SHQ1: variants seen among roughly 807,000 people sequenced by gnomAD.
SHQ1 encodes protein SHQ1 homolog.
In SHQ1, 49 loss-of-function variants were observed where a neutral mutation model predicts 53.8. That is an observed-to-expected ratio of 0.91 (90% confidence interval 0.72 to 1.16). The LOEUF (loss-of-function observed/expected upper bound fraction) is 1.16, where lower values mean the gene tolerates loss of function less well. Ranked by LOEUF, SHQ1 falls within the 50% of genes most tolerant of loss-of-function variation. The pLI is 0.00. For synonymous variants in SHQ1, 243 were observed against 251.0 expected (o/e 0.97, Z 0.30); for missense variants, 738 against 683.1 (o/e 1.08, Z -0.90).
At chr3:72,813,196 G>C (rs1707178541) in intron 8 of SHQ1, among the ~76,000 whole-genome samples, 1 of 152,196 alleles carries the variant, frequency 6.6e-6, no homozygotes, top group Non-Finnish European at 1.5e-5. Context: ...AACTCACCGG[G>C]AGTGGTGGCT....
intron 10 of SHQ1, among the ~76,000 whole-genome samples, chr3:72,757,216 A>G (rs142334686): frequency 6.6e-6 from 1 of 152,338 alleles, no homozygotes; most frequent in East Asian, 1.9e-4. Flanking sequence ...TACTGAGACT[A>G]GAGCCCACAA....
chr3:72,732,848 C>T, the SHQ1 span, among the ~76,000 whole-genome samples: 4 of 151,456 alleles, frequency 2.6e-5, no homozygotes, highest in Admixed American at 1.3e-4. Flanking sequence ...GCGGAAGAAC[C>T]GCCCCCACTG....
chr3:72,829,860 A>T (rs1220875259), intron 5 of SHQ1, among the ~76,000 whole-genome samples: 2 of 152,228 alleles, frequency 1.3e-5, no homozygotes, highest in Non-Finnish European at 2.9e-5. Context: ...TGTAAAATGT[A>T]TGCCAACAAT....
chr3:72,848,081 A>G, intron 1 of SHQ1, 117 bp downstream of exon 1: 1 of 1,270,130 alleles, frequency 7.9e-7, no homozygotes. Flanking sequence ...GAAGCTGCGG[A>G]AACGTCGGGA....
chr3:72,833,052 C>A (rs1707869030), intron 4 of SHQ1, among the ~76,000 whole-genome samples: 1 of 152,210 alleles, frequency 6.6e-6, no homozygotes, highest in South Asian at 2.1e-4. Context: ...AATAATCCCA[C>A]ATGCGAAATG....
At position 72,844,372 on chromosome 3, in the gene SHQ1, A is replaced by T. The variant is rs777350271; in HGVS notation, c.195T>A (p.Tyr65Ter). The T allele has an allele frequency of 5.6e-6, 9 of 1,613,780 alleles. No individual in the cohort carries two copies. The East Asian group carries it at 2.0e-4, about 36-fold the overall frequency. Reference protein sequence around the residue: ...IVENGSEQGSYDADKGIFTIR... With the variant: ...IVENGSEQGS ...CAAAGACAATACCTTTATCTGCATC[A>T]TAGGACCCTTGCTCACTTCCATTTT... Residue 65 changes from tyrosine (Y) to a stop codon, truncating the protein, a stop_gained, in exon 2 of 11, where the codon TAT becomes TAA. Coordinates refer to ENST00000325599, the MANE Select transcript of SHQ1 (RefSeq NM_018130.3). LOFTEE classifies it high-confidence loss of function.
chr3:72,792,252 T>TA (rs1275625183), intron 10 of SHQ1, among the ~76,000 whole-genome samples: 1 of 152,212 alleles, frequency 6.6e-6, no homozygotes, highest in African/African-American at 2.4e-5. Context: ...GTAAGTGAAA[T>TA]ACAGATACAA....
At chr3:72,728,719 C>G in the SHQ1 span, among the ~76,000 whole-genome samples, 1 of 152,182 alleles carries the variant, frequency 6.6e-6, no homozygotes. Flanking sequence ...AAAAGGGATG[C>G]AATTGCTTGA....
chr3:72,753,901 C>T (rs1020836287), intron 10 of SHQ1, among the ~76,000 whole-genome samples: 1 of 152,136 alleles, frequency 6.6e-6, no homozygotes, highest in Admixed American at 6.5e-5. Context: ...TGAGCTGCTG[C>T]AAAGTTCAGT....
At chr3:72,804,962 G>A (rs186106730) in intron 9 of SHQ1, among the ~76,000 whole-genome samples, 1 of 152,342 alleles carries the variant, frequency 6.6e-6, no homozygotes, top group Admixed American at 6.5e-5. Context: ...ATTCTGTCAT[G>A]TGAACGTCAC....
At chr3:72,762,422 T>C (rs577460512) in intron 10 of SHQ1, among the ~76,000 whole-genome samples, 1 of 152,312 alleles carries the variant, frequency 6.6e-6, no homozygotes, top group South Asian at 2.1e-4. Context: ...CAGATCAAAT[T>C]CACAGAGATG....
intron 6 of SHQ1, among the ~76,000 whole-genome samples, chr3:72,817,698 A>G (rs1707361577): frequency 6.6e-6 from 1 of 152,216 alleles, no homozygotes; most frequent in Non-Finnish European, 1.5e-5. Context: ...TTTAAAATTA[A>G]GATAATACAT....
intron 10 of SHQ1, among the ~76,000 whole-genome samples, chr3:72,754,270 G>A (rs1349952311): frequency 6.6e-6 from 1 of 152,122 alleles, no homozygotes; most frequent in African/African-American, 2.4e-5. Context: ...CCAACAAGGG[G>A]CGGTCACGAC....
At chr3:72,772,592 T>C (rs1705878734) in intron 10 of SHQ1, 2 of 707,460 alleles carry the variant, frequency 2.8e-6, no homozygotes, top group African/African-American at 1.7e-5. Context: ...TTGATTAAAC[T>C]AAAAAACATT....
intron 9 of SHQ1, 124 bp downstream of exon 9, chr3:72,812,547 G>A (rs1390310650): frequency 9.8e-7 from 1 of 1,019,324 alleles, no homozygotes; most frequent in Non-Finnish European, 1.4e-6. Flanking sequence ...TTTAAAAGTG[G>A]TTGGATTCAT....
rs1252508543 is a variant in SHQ1, at chr3:72,846,325, C to T, written c.143+1873G>A. The T allele has an allele frequency of 9.9e-6, 15 of 1,518,360 alleles. No individual in the cohort carries two copies. The African/African-American group carries it at 2.0e-4, about 20-fold the overall frequency. 94.1% of individuals were successfully genotyped at this position (1,518,360 alleles called of 1,614,324 possible). A position where few individuals can be genotyped will look rare whatever the true frequency, so the allele number is the denominator to read the frequency against. ...TTTTTTTTTTTTTTTTAGACAGTCTCGCTCTGTTACTCAGGCTGGAGTGCG... is the reference window on the plus strand; with the variant it reads ...TTTTTTTTTTTTTTTTAGACAGTCTTGCTCTGTTACTCAGGCTGGAGTGCG... On this transcript the variant is annotated intron_variant, in intron 1 of 10. Transcript: ENST00000325599.
At chr3:72,785,670 C>T (rs1377583355) in intron 10 of SHQ1, among the ~76,000 whole-genome samples, 2 of 152,200 alleles carry the variant, frequency 1.3e-5, no homozygotes, top group African/African-American at 4.8e-5. Context: ...CCTACCTATA[C>T]ACTGTAGCTA....
chr3:72,781,443 T>A (rs1706072003), intron 10 of SHQ1, among the ~76,000 whole-genome samples: 1 of 152,218 alleles, frequency 6.6e-6, no homozygotes. Context: ...AATAATTAGA[T>A]AATTCTTCAG....
chr3:72,818,385 G>A (rs1489501395), intron 6 of SHQ1, among the ~76,000 whole-genome samples: 1 of 152,062 alleles, frequency 6.6e-6, no homozygotes, highest in East Asian at 1.9e-4. Context: ...TTGATTATTA[G>A]AGGCTTTATT....
Sources: allele counts gnomAD v4.1 joint callset (sites outside exome capture counted in the v4.1 genomes callset), GRCh38; gene constraint gnomAD v4.1.1; transcripts MANE v1.5; gene names NCBI Gene and HGNC (gene_info 2026-07-23, HGNC 2026-07-21).